The following TKFC variants were observed in gnomAD, a reference collection of about 807,000 sequenced individuals.
TKFC encodes the protein triokinase/FMN cyclase.
TKFC carries 46 observed loss-of-function variants against 61.0 expected under a neutral mutation model. The observed-to-expected ratio is 0.75, with a 90% CI of 0.60 to 0.96. The LOEUF is 0.96. Ranked by LOEUF, TKFC falls within the 50% of genes least tolerant of loss-of-function variation. The pLI is 0.00. For missense variants in TKFC, 715 were observed against 777.5 expected (o/e 0.92, Z 0.96); for synonymous variants, 314 against 330.1 (o/e 0.95, Z 0.53).
Position 61,340,645 on chromosome 11 carries a change from C to T in TKFC, c.487-791C>T, listed in dbSNP as rs1465088028. Among the ~76,000 whole-genome samples, 2 of 13,242 alleles carry T rather than the reference C, an allele frequency of 1.5e-4. 1 individual carries two copies. Among genetic ancestry groups the T allele is most frequent in the African/African-American group, 1.8e-4 (2 of 10,890 alleles). 8.7% of individuals were successfully genotyped at this position (13,242 alleles called of 152,430 possible). A position where few individuals can be genotyped will look rare whatever the true frequency, so the allele number is the denominator to read the frequency against. ...CTGGGATTACAGGCGTGAGCCACCG[C>T]GCCCGGCCCCTGCCTTCCTCTTATG... On this transcript the variant is annotated intron_variant, in intron 5 of 17. Transcript: ENST00000394900.
At position 61,342,843 on chromosome 11, in the gene TKFC, G is replaced by A; in HGVS notation, c.864G>A (p.Leu288=). 1.2e-6 allele frequency: 2 copies of A among 1,613,954 alleles called. No individual in the cohort carries two copies. The highest frequency in any genetic ancestry group is 1.7e-6 in the Non-Finnish European group (2 of 1,180,000). The change falls in exon 10 of 18, where the codon CTG becomes CTA. Residue 288 remains leucine (L), a splice_region_variant and synonymous_variant. Transcript: ENST00000394900. ...GIIADATVRS[L]EGRGVKIARA... The stretch of plus-strand genomic sequence containing the variant: ...TAGCCGACGCTACCGTCCGCTCCCT[G>A]GGTGAGCCATGCACTGGGAAGGGGA...
At chr11:61,336,663 G>A (rs1322759435) in intron 2 of TKFC, among the ~76,000 whole-genome samples, 2 of 152,182 alleles carry the variant, frequency 1.3e-5, no homozygotes, top group Non-Finnish European at 2.9e-5. Flanking sequence ...GCAGAAGTGG[G>A]ATTTGAACCC....
rs1857001173 is a variant in TKFC at position 61,344,129 on chromosome 11, T to G, written c.1103-7T>G. On this transcript the variant is annotated splice_polypyrimidine_tract_variant and splice_region_variant and intron_variant, in intron 12 of 17. Transcript: ENST00000394900. ...TGGGCCTGTTCTTCAGCATCCTCCC[T>G]TTCTAGGCTCAGCCTCGAAGCGGAT... 6.2e-7 allele frequency: 1 copy of G among 1,611,870 alleles called. No individual in the cohort carries two copies.
downstream of TKFC, chr11:61,350,399 T>C (rs1298820246): frequency 6.2e-7 from 1 of 1,610,324 alleles, no homozygotes; most frequent in Non-Finnish European, 8.5e-7. Context: ...TCCTGCTGCT[T>C]CACTCCCCAT....
Position 61,334,748 on chromosome 11 carries a change from C to T in TKFC, c.3+17C>T, listed in dbSNP as rs181688124. On this transcript the variant is annotated intron_variant, in intron 2 of 17. Coordinates refer to ENST00000394900, the MANE Select transcript of TKFC (RefSeq NM_015533.4). ...CACACCATGGTGAGTCATACAGGGC[C>T]GGGACGGGAATGGCAGCATGGTCTC... The T allele has an allele frequency of 2.1e-4, 340 of 1,613,998 alleles. 1 individual carries two copies. Among genetic ancestry groups the T allele is most frequent in the African/African-American group, 3.6e-4 (27 of 75,010 alleles).
downstream of TKFC, chr11:61,352,687 A>G (rs1358653165): frequency 4.4e-6 from 3 of 682,842 alleles, no homozygotes; most frequent in Non-Finnish European, 6.0e-6. Flanking sequence ...GAAAATGGCA[A>G]TGACAACAAT....
intron 11 of TKFC, 97 bp from the exon 12 acceptor site, chr11:61,343,759 G>C: frequency 6.6e-7 from 1 of 1,522,836 alleles, no homozygotes. Flanking sequence ...GGGCTGCTGA[G>C]AAAGCCAGGC....
At position 61,348,168 on chromosome 11, in the gene TKFC, C is replaced by T; in HGVS notation, c.*1665C>T. ...TGACCTCAGACGGTGGCCTGTGGAT[C>T]CCAGCTCTGTCATTTCCTGGCTGGG... is the stretch of plus-strand genomic sequence containing the variant. On this transcript the variant is annotated 3_prime_UTR_variant, in exon 18 of 18. Coordinates refer to ENST00000394900, the MANE Select transcript of TKFC (RefSeq NM_015533.4). The T allele has an allele frequency of 1.0e-6, 1 of 985,468 alleles. No homozygotes were observed. The highest frequency in any genetic ancestry group is 1.2e-6 in the Non-Finnish European group (1 of 829,942). 61.0% of individuals were successfully genotyped at this position (985,468 alleles called of 1,614,324 possible). A position where few individuals can be genotyped will look rare whatever the true frequency, so the allele number is the denominator to read the frequency against.
At position 61,347,208 on chromosome 11, in the gene TKFC, A is replaced by G; in HGVS notation, c.*705A>G. 4.1e-6 allele frequency: 4 copies of G among 985,168 alleles called. No homozygotes were observed. The highest frequency in any genetic ancestry group is 4.8e-6 in the Non-Finnish European group (4 of 829,942). 61.0% of individuals were successfully genotyped at this position (985,168 alleles called of 1,614,324 possible). Reference sequence around the variant, plus strand: ...AATGGGCATTTGGGACACCAGAAGGAAAAGAAATCATCATAGTCTAAGGTT... The same window carrying G: ...AATGGGCATTTGGGACACCAGAAGGGAAAGAAATCATCATAGTCTAAGGTT... On this transcript the variant is annotated 3_prime_UTR_variant, in exon 18 of 18. Transcript: ENST00000394900.
At chr11:61,351,384 G>T, downstream of TKFC, 1 of 320,764 alleles carries the variant, frequency 3.1e-6, no homozygotes, top group South Asian at 5.2e-5. Context: ...CCGCCTCCTG[G>T]GTTCACGCCA....
At position 61,339,578 on chromosome 11, in the gene TKFC, C is replaced by A. The variant is rs986504237; in HGVS notation, c.486+143C>A. The A allele has an allele frequency of 2.1e-5, 20 of 943,176 alleles. No individual in the cohort carries two copies. The East Asian group carries it at 3.8e-4, about 18-fold the overall frequency. 58.4% of individuals were successfully genotyped at this position (943,176 alleles called of 1,614,324 possible). ...AGTGTTCCCTGATCTCAGAAGGCCC[C>A]GCCATCCCCTCAGCTACCTAAGCCC... On this transcript the variant is annotated intron_variant, in intron 5 of 17. Transcript: ENST00000394900.
chr11:61,345,433 C>G, intron 14 of TKFC, 29 bp from the exon 15 acceptor site: 1 of 1,607,236 alleles, frequency 6.2e-7, no homozygotes, highest in Non-Finnish European at 8.5e-7. Flanking sequence ...AGGCCAGCAC[C>G]ACATGCTCAG....
chr11:61,343,515 C>T, intron 11 of TKFC, 57 bp downstream of exon 11: 1 of 1,525,204 alleles, frequency 6.6e-7, no homozygotes, highest in Non-Finnish European at 9.1e-7. Flanking sequence ...TGGAAGGAGC[C>T]AGGGAGACTT....
chr11:61,337,909 A>T (rs1856677678), intron 2 of TKFC, 32 bp from the exon 3 acceptor site: 1 of 1,576,770 alleles, frequency 6.3e-7, no homozygotes, highest in Non-Finnish European at 8.6e-7. Flanking sequence ...TACTGACCAC[A>T]TTCTGACCTC....
chr11:61,347,409 G>A lies in TKFC; in HGVS notation c.*906G>A. The A allele has an allele frequency of 1.2e-6, 1 of 860,304 alleles. No homozygotes were observed. The highest frequency in any genetic ancestry group is 1.4e-6 in the Non-Finnish European group (1 of 715,912). 53.3% of individuals were successfully genotyped at this position (860,304 alleles called of 1,614,324 possible). On this transcript the variant is annotated 3_prime_UTR_variant, in exon 18 of 18. Transcript: ENST00000394900. ...AATACAAAATTAGCCAGGCATAGTA[G>A]TGTGTGCCTATAGTCCTAACTTGGG...
chr11:61,350,525 C>G, downstream of TKFC: 1 of 1,438,498 alleles, frequency 7.0e-7, no homozygotes, highest in Non-Finnish European at 9.6e-7. Flanking sequence ...TGGTCCCCAT[C>G]CAAGCCACCA....
intron 17 of TKFC, 27 bp downstream of exon 17, chr11:61,345,973 G>T: frequency 6.2e-7 from 1 of 1,606,572 alleles, no homozygotes; most frequent in South Asian, 1.1e-5. Flanking sequence ...CCAGCCACCT[G>T]GGGAGACAGG....
At position 61,342,622 on chromosome 11, in the gene TKFC, A is replaced by C; in HGVS notation, c.739A>C (p.Asn247His). 6.2e-7 allele frequency: 1 copy of C among 1,614,060 alleles called. No individual in the cohort carries two copies. Among genetic ancestry groups the C allele is most frequent in the Non-Finnish European group, 8.5e-7 (1 of 1,180,020 alleles). ...GAAACTCATGCTCGACCACATGACA[A>C]ACACCACCAACGCGTCCCATGTGCC... is the stretch of plus-strand genomic sequence containing the variant. ...IVKLMLDHMT[N>H]TTNASHVPVQ... The change falls in exon 9 of 18, where the codon AAC becomes CAC. Residue 247 changes from asparagine (N) to histidine (H), a missense_variant. Coordinates refer to ENST00000394900, the MANE Select transcript of TKFC (RefSeq NM_015533.4).
chr11:61,340,601 G>A (rs1856813680), intron 5 of TKFC, among the ~76,000 whole-genome samples: 1 of 10,594 alleles, frequency 9.4e-5, no homozygotes, highest in South Asian at 2.7e-3. Context: ...TGATCCACCC[G>A]CCTCGGCCTC....
Sources: gnomAD v4.1 joint callset for allele counts (sites outside exome capture counted in the v4.1 genomes callset) on GRCh38, gnomAD v4.1.1 for gene constraint, MANE v1.5 for transcripts, NCBI Gene and HGNC (gene_info 2026-07-23, HGNC 2026-07-21) for gene names.